NUP133: variants seen among roughly 807,000 people sequenced by gnomAD.
NUP133 encodes nucleoporin 133, also known as nuclear pore complex protein Nup133.
NUP133 carries 66 observed loss-of-function variants against 146.2 expected under a neutral mutation model. The ratio of observed to expected loss-of-function variants is 0.45; its 90% CI spans 0.37 to 0.55. NUP133 has a LOEUF of 0.55. NUP133 is among the 20% of genes least tolerant of loss of function. The probability of loss-of-function intolerance (pLI) is 0.00; values close to 1 mark genes in which losing one functional copy is unlikely to be tolerated. For missense variants in NUP133, 1,277 were observed against 1,374.8 expected (o/e 0.93, Z 1.12); for synonymous variants, 521 against 498.8 (o/e 1.04, Z -0.59).
At chr1:229,493,440 A>G (rs1434872814) in intron 8 of NUP133, among the ~76,000 whole-genome samples, 3 of 152,292 alleles carry the variant, frequency 2.0e-5, no homozygotes, top group Non-Finnish European at 4.4e-5. Context: ...TTGGCTTCCC[A>G]AAGTGCTGGG....
At chr1:229,505,950 A>G in intron 2 of NUP133, 90 bp downstream of exon 2, 1 of 752,266 alleles carries the variant, frequency 1.3e-6, no homozygotes, top group East Asian at 2.5e-5. Context: ...ACGTAAAGGT[A>G]TACTAGAGAA....
chr1:229,485,207 T>C (rs1661318211), intron 11 of NUP133, among the ~76,000 whole-genome samples: 1 of 152,066 alleles, frequency 6.6e-6, no homozygotes, highest in Non-Finnish European at 1.5e-5. Flanking sequence ...TGATACTAAC[T>C]ACAACAAAGG....
Position 229,450,671 on chromosome 1 carries a change from G to A in NUP133, c.3100-66C>T, listed in dbSNP as rs1344539035. 5.4e-6 allele frequency: 4 copies of A among 736,724 alleles called. No homozygotes were observed. In the African/African-American group the frequency reaches 7.3e-5, roughly 13 times the overall value. The allele number at this position is 736,724 out of a possible 1,614,324, so 45.6% of individuals were successfully genotyped here. ...GTAACTAATACTAGAGACATTTATG[G>A]AGAAAAGAAGTCATTATGTCTTGTA... On this transcript the variant is annotated intron_variant, in intron 22 of 25. Transcript: ENST00000261396.
rs769683766 is a variant in NUP133 at position 229,449,169 on chromosome 1, CATTTAT to C, written c.3196_3201del (p.Ile1066_Asn1067del). Reference sequence around the variant, plus strand: ...TTGCAAAGGATTTCCAGTTTTAGATCATTTATATTTATATCTTCTTCCTTCACAGCA... The same window carrying C: ...TTGCAAAGGATTTCCAGTTTTAGATCATTTATATCTTCTTCCTTCACAGCA... On this transcript the variant is annotated inframe_deletion, in exon 24 of 26. Transcript: ENST00000261396. 2.2e-5 allele frequency: 36 copies of C among 1,610,148 alleles called. No homozygotes were observed. Among genetic ancestry groups the C allele is most frequent in the Middle Eastern group, 1.7e-4 (1 of 5,908 alleles).
At chr1:229,475,876 G>T (rs934619445) in intron 13 of NUP133, 144 bp from the exon 14 acceptor site, 1 of 618,804 alleles carries the variant, frequency 1.6e-6, no homozygotes, top group East Asian at 2.8e-5. Context: ...TTGGGAGGTC[G>T]AGGTGGGCAG....
intron 22 of NUP133, among the ~76,000 whole-genome samples, chr1:229,452,167 G>A (rs1344810428): frequency 1.3e-5 from 2 of 152,148 alleles, no homozygotes; most frequent in Admixed American, 1.3e-4. Context: ...TGTAAACTGA[G>A]TTCCTTAATC....
rs1660383889 is a variant in NUP133 at position 229,449,127 on chromosome 1, T to C, written c.3244A>G (p.Asn1082Asp). Residue 1082 changes from asparagine to aspartate, a missense_variant and splice_region_variant, in exon 24 of 26, where the codon AAC becomes GAC. Transcript: ENST00000261396. ...AGAAGCAATGCCACGAGCACTTACTTATCTCTCTGAAGAGCTTTGCAAAGG... is the reference window on the plus strand; with the variant it reads ...AGAAGCAATGCCACGAGCACTTACTCATCTCTCTGAAGAGCTTTGCAAAGG... Reference protein sequence around the residue: ...EILCKALQRDNWSSSDGKDDP... With the variant: ...EILCKALQRDDWSSSDGKDDP... 1 of 1,610,642 alleles carries C rather than the reference T, an allele frequency of 6.2e-7. No homozygotes were observed. The highest frequency in any genetic ancestry group is 8.5e-7 in the Non-Finnish European group (1 of 1,176,938).
In NUP133 at chr1:229,500,695, T is replaced by C. The variant is rs980598084; in HGVS notation, c.513+61A>G. 4.1e-6 allele frequency: 4 copies of C among 968,426 alleles called. No individual in the cohort carries two copies. The African/African-American group carries it at 6.6e-5, about 16-fold the overall frequency. 60.0% of individuals were successfully genotyped at this position (968,426 alleles called of 1,614,324 possible). On this transcript the variant is annotated intron_variant, in intron 4 of 25. Transcript: ENST00000261396. ...TCTCAAAATCAAAGAGGATGATTCC[T>C]CTAACTTTAGGATGTCCTTGTTGTA... is the stretch of plus-strand genomic sequence containing the variant.
At chr1:229,501,548 AC>A (rs1362010377) in intron 3 of NUP133, among the ~76,000 whole-genome samples, 1 of 152,212 alleles carries the variant, frequency 6.6e-6, no homozygotes, top group African/African-American at 2.4e-5. Context: ...GCAAATGATA[AC>A]CCACTGTTGG....
chr1:229,472,085 C>T (rs148298377), intron 14 of NUP133, among the ~76,000 whole-genome samples: 2,695 of 148,294 alleles, frequency 0.018, 84 homozygotes, highest in African/African-American at 0.063. Flanking sequence ...TTTGGGAGGC[C>T]GAGGCGGGCG....
chr1:229,487,099 A>G (rs79348034), intron 10 of NUP133, among the ~76,000 whole-genome samples: 117 of 152,138 alleles, frequency 7.7e-4, no homozygotes, highest in African/African-American at 2.5e-3. Flanking sequence ...GCCCCCCTGC[A>G]TAAGTCCAGC....
In NUP133 at chr1:229,503,127, A is replaced by AGGCATGGG. The variant is rs144742101; in HGVS notation, c.302-1033_302-1026dup. ...CCAAAAATAGAAAAAAAAATTAGCC[A>AGGCATGGG]GGCATGGGGGCATGGTGGCGTGCAC... On this transcript the variant is annotated intron_variant, in intron 2 of 25. Coordinates refer to ENST00000261396, the MANE Select transcript of NUP133 (RefSeq NM_018230.3). 3.8e-3 allele frequency among the ~76,000 whole-genome samples: 579 copies of AGGCATGGG among 152,094 alleles called. 4 individuals are homozygous for AGGCATGGG. The highest frequency in any genetic ancestry group is 0.013 in the African/African-American group (552 of 41,486).
In NUP133 at chr1:229,491,211, G is replaced by A. The variant is rs77313886; in HGVS notation, c.1047-1109C>T. On this transcript the variant is annotated intron_variant, in intron 8 of 25. Transcript: ENST00000261396. ...GTTTCATGATACCATTGGTGAAATA[G>A]AGTAGTTGCAGTAAAGACTACATGG... 7.0e-3 allele frequency among the ~76,000 whole-genome samples: 1,071 copies of A among 152,264 alleles called. 13 individuals are homozygous for A. Among genetic ancestry groups the A allele is most frequent in the African/African-American group, 0.025 (1,027 of 41,558 alleles).
intron 16 of NUP133, 81 bp downstream of exon 16, chr1:229,466,553 G>A (rs1436371333): frequency 2.0e-5 from 30 of 1,482,400 alleles, no homozygotes; most frequent in Non-Finnish European, 2.8e-5. Flanking sequence ...CGGCAATACA[G>A]AGTAGGAACA....
Position 229,450,719 on chromosome 1 carries a change from G to T in NUP133, c.3100-114C>A, listed in dbSNP as rs974140738. On this transcript the variant is annotated intron_variant, in intron 22 of 25. Coordinates refer to ENST00000261396, the MANE Select transcript of NUP133 (RefSeq NM_018230.3). The stretch of plus-strand genomic sequence containing the variant: ...GTAAGGAAGTTGTAGTTTGTTTTTT[G>T]TTTGTTTGTTTGTTTGTTTTTTTTG... 1.3e-5 allele frequency: 6 copies of T among 471,120 alleles called. No homozygotes were observed. In the Admixed American group the frequency reaches 2.2e-4, roughly 17 times the overall value. 29.2% of individuals were successfully genotyped at this position (471,120 alleles called of 1,614,324 possible).
At chr1:229,479,090 C>A (rs1402942396) in intron 12 of NUP133, among the ~76,000 whole-genome samples, 1 of 151,956 alleles carries the variant, frequency 6.6e-6, no homozygotes, top group African/African-American at 2.4e-5. Context: ...AGAGAGAGAC[C>A]AACCACACTC....
chr1:229,505,782 G>C (rs1661919467), intron 2 of NUP133, among the ~76,000 whole-genome samples: 2 of 152,018 alleles, frequency 1.3e-5, no homozygotes, highest in Non-Finnish European at 2.9e-5. Context: ...CAGCTACTTG[G>C]GAGGCTGAGG....
chr1:229,470,153 T>G (rs1178269856), intron 15 of NUP133, among the ~76,000 whole-genome samples: 1 of 151,354 alleles, frequency 6.6e-6, no homozygotes, highest in East Asian at 1.9e-4. Context: ...GGTCAGGAGT[T>G]CGACATCAAA....
intron 20 of NUP133, 118 bp downstream of exon 20, chr1:229,460,493 A>C: frequency 1.0e-6 from 1 of 991,488 alleles, no homozygotes. Flanking sequence ...TATATTTTGG[A>C]TAGTAACCCC....
Sources: gnomAD v4.1 joint callset for allele counts (sites outside exome capture counted in the v4.1 genomes callset) on GRCh38, gnomAD v4.1.1 for gene constraint, MANE v1.5 for transcripts, NCBI Gene and HGNC (gene_info 2026-07-23, HGNC 2026-07-21) for gene names.